The following TYW1 variants were observed in gnomAD, a reference collection of about 807,000 sequenced individuals.
TYW1 encodes the protein tRNA-yW synthesizing protein 1 homolog.
TYW1 carries 46 observed loss-of-function variants against 96.2 expected under a neutral mutation model. The observed-to-expected ratio is 0.48, with a 90% CI of 0.38 to 0.61. The LOEUF (loss-of-function observed/expected upper bound fraction) is 0.61, where lower values mean the gene tolerates loss of function less well. TYW1 is among the 20% of genes least tolerant of loss of function. The probability of loss-of-function intolerance (pLI) is 0.00; values close to 1 mark genes in which losing one functional copy is unlikely to be tolerated. For synonymous variants in TYW1, 274 were observed against 323.0 expected, an observed-to-expected ratio of 0.85 and a Z score of 1.63; for missense variants, 684 against 909.6, an observed-to-expected ratio of 0.75 and a Z score of 3.19.
chr7:67,092,137 T>C (rs190994994), intron 11 of TYW1, among the ~76,000 whole-genome samples: 28 of 152,298 alleles, frequency 1.8e-4, no homozygotes, highest in South Asian at 8.3e-4. Context: ...GTAGAAATCA[T>C]TGAACCCTCT....
At position 67,093,833 on chromosome 7, in the gene TYW1, T is replaced by G. The variant is rs926294208; in HGVS notation, c.1385-4708T>G. On this transcript the variant is annotated intron_variant, in intron 11 of 15. Coordinates refer to ENST00000359626, the MANE Select transcript of TYW1 (RefSeq NM_018264.4). ...CTCTGTTGCTTTGATCTCTTGGGGA[T>G]TTACTTGCACTTTGTGTTTTATTTT... Among the ~76,000 whole-genome samples, 26 of 152,234 alleles carry G rather than the reference T, an allele frequency of 1.7e-4. 1 individual carries two copies. Among genetic ancestry groups the G allele is most frequent in the African/African-American group, 6.3e-4 (26 of 41,478 alleles).
At chr7:67,015,006 G>GTT (rs56978841) in intron 5 of TYW1, among the ~76,000 whole-genome samples, 5 of 134,472 alleles carry the variant, frequency 3.7e-5, no homozygotes, top group African/African-American at 2.7e-5. Flanking sequence ...GGCCTCTTCT[G>GTT]TTTTTTTTTT....
intron 13 of TYW1, among the ~76,000 whole-genome samples, chr7:67,145,150 CTTT>C (rs201330239): frequency 3.5e-5 from 4 of 114,996 alleles, no homozygotes; most frequent in Non-Finnish European, 5.3e-5. Flanking sequence ...GTTTTAGTTT[CTTT>C]TTTTTTTTTT....
intron 3 of TYW1, among the ~76,000 whole-genome samples, chr7:67,004,037 T>G (rs570051316): frequency 1.8e-3 from 278 of 151,972 alleles, no homozygotes; most frequent in Middle Eastern, 3.4e-3. Flanking sequence ...GAGTGAAACC[T>G]TGTCTCAAAA....
At chr7:67,098,077 A>G (rs1563011883) in intron 11 of TYW1, among the ~76,000 whole-genome samples, 1 of 152,206 alleles carries the variant, frequency 6.6e-6, no homozygotes, top group Non-Finnish European at 1.5e-5. Context: ...GTATGAAGCC[A>G]AAGATAAGAA....
intron 12 of TYW1, among the ~76,000 whole-genome samples, chr7:67,110,366 C>A (rs1797364599): frequency 6.6e-6 from 1 of 152,148 alleles, no homozygotes; most frequent in Non-Finnish European, 1.5e-5. Flanking sequence ...GCAGCGAAAA[C>A]CAAGGCAGAG....
At position 67,195,208 on chromosome 7, in the gene TYW1, TA is replaced by T; in HGVS notation, c.1849del (p.Thr617ProfsTer21). The T allele has an allele frequency of 6.2e-7, 1 of 1,613,924 alleles. No individual in the cohort carries two copies. Among genetic ancestry groups the T allele is most frequent in the Non-Finnish European group, 8.5e-7 (1 of 1,179,998 alleles). On this transcript the variant is annotated frameshift_variant, in exon 15 of 16. Coordinates refer to ENST00000359626, the MANE Select transcript of TYW1 (RefSeq NM_018264.4). LOFTEE classifies it high-confidence loss of function. The part of the protein sequence containing the change: ...YCGESSASSL[T>X]MAHVPWHEEV... ...GCGGAGAAAGTTCAGCAAGCAGTCTTACCATGGCCCACGTGCCCTGGCATGA... is the reference window on the plus strand; with the variant it reads ...GCGGAGAAAGTTCAGCAAGCAGTCTTCCATGGCCCACGTGCCCTGGCATGA...
intron 13 of TYW1, among the ~76,000 whole-genome samples, chr7:67,180,910 C>T (rs188145629): frequency 5.5e-4 from 83 of 152,244 alleles, no homozygotes; most frequent in African/African-American, 1.9e-3. Flanking sequence ...TCCCAAAGTG[C>T]TGGGATTACA....
intron 15 of TYW1, among the ~76,000 whole-genome samples, chr7:67,203,192 C>T (rs947772585): frequency 3.9e-5 from 6 of 152,228 alleles, no homozygotes; most frequent in African/African-American, 1.4e-4. Context: ...GTAGTTTCCT[C>T]ATTGGAAGAA....
chr7:67,235,910 AG>A (rs1302692051), intron 15 of TYW1, among the ~76,000 whole-genome samples: 2 of 136,378 alleles, frequency 1.5e-5, no homozygotes, highest in African/African-American at 2.9e-5. Context: ...AAAAAAAAAA[AG>A]AAAAAGAGGT....
chr7:67,039,511 C>G (rs1007587822), intron 7 of TYW1, among the ~76,000 whole-genome samples: 4 of 151,938 alleles, frequency 2.6e-5, no homozygotes, highest in Non-Finnish European at 5.9e-5. Context: ...AGGTCTGGTC[C>G]AGCCAGATTG....
At chr7:67,021,747 C>G (rs1337030380) in intron 6 of TYW1, among the ~76,000 whole-genome samples, 1 of 152,146 alleles carries the variant, frequency 6.6e-6, no homozygotes, top group East Asian at 1.9e-4. Context: ...GTCACAGAAC[C>G]AAGTTAGCAG....
chr7:67,146,710 C>T (rs1798619910), intron 13 of TYW1, among the ~76,000 whole-genome samples: 1 of 152,208 alleles, frequency 6.6e-6, no homozygotes, highest in South Asian at 2.1e-4. Context: ...AGATCAGCTG[C>T]ATATAACATC....
chr7:67,097,067 A>G (rs1400280405), intron 11 of TYW1, among the ~76,000 whole-genome samples: 1 of 151,932 alleles, frequency 6.6e-6, no homozygotes, highest in East Asian at 1.9e-4. Flanking sequence ...CCCAGTGTCC[A>G]GCTAGGATTC....
intron 9 of TYW1, among the ~76,000 whole-genome samples, chr7:67,065,488 G>C (rs780682079): frequency 5.6e-4 from 85 of 152,186 alleles, no homozygotes; most frequent in Non-Finnish European, 7.5e-4. Context: ...TCTGGCATTT[G>C]TTGGACGTTT....
At chr7:67,013,184 G>GT (rs1793876272) in intron 4 of TYW1, among the ~76,000 whole-genome samples, 1 of 151,154 alleles carries the variant, frequency 6.6e-6, no homozygotes, top group Non-Finnish European at 1.5e-5. Flanking sequence ...GTGCAGGGGT[G>GT]TGATGGTGGC....
intron 13 of TYW1, among the ~76,000 whole-genome samples, chr7:67,182,914 T>C (rs1323298827): frequency 1.3e-5 from 2 of 151,574 alleles, no homozygotes; most frequent in Non-Finnish European, 2.9e-5. Context: ...AATAAATATG[T>C]CAGTATCTCA....
chr7:67,108,862 A>G (rs1424630466), intron 12 of TYW1, among the ~76,000 whole-genome samples: 1 of 152,206 alleles, frequency 6.6e-6, no homozygotes, highest in Non-Finnish European at 1.5e-5. Context: ...ATGATATCTG[A>G]ACACAATAGA....
chr7:67,011,308 G>A (rs541256163), intron 4 of TYW1, among the ~76,000 whole-genome samples: 6 of 152,368 alleles, frequency 3.9e-5, no homozygotes, highest in African/African-American at 1.2e-4. Context: ...ATAGTGCTGG[G>A]TTCACAGGCA....
Sources: allele counts gnomAD v4.1 joint callset (sites outside exome capture counted in the v4.1 genomes callset), GRCh38; gene constraint gnomAD v4.1.1; transcripts MANE v1.5; gene names NCBI Gene and HGNC (gene_info 2026-07-23, HGNC 2026-07-21).